SASH1: variants seen among roughly 807,000 people sequenced by gnomAD.
The protein encoded by SASH1 is SAM and SH3 domain-containing protein 1.
In SASH1, 44 loss-of-function variants were observed where a neutral mutation model predicts 125.2. That is an observed-to-expected ratio of 0.35 (90% CI 0.28 to 0.45). The LOEUF (loss-of-function observed/expected upper bound fraction) is 0.45. Ranked by LOEUF, SASH1 falls within the 20% of genes least tolerant of loss-of-function variation. SASH1 has a pLI of 1.00. For missense variants in SASH1, 1,426 were observed against 1,614.5 expected, an observed-to-expected ratio of 0.88 and a Z score of 2.00; for synonymous variants, 639 against 649.1, an observed-to-expected ratio of 0.98 and a Z score of 0.24.
At chr6:148,471,530 A>G (rs1321668419) in intron 6 of SASH1, 27 bp downstream of exon 6, 1 of 1,346,938 alleles carries the variant, frequency 7.4e-7, no homozygotes, top group South Asian at 1.2e-5. Context: ...GGCGGACAGT[A>G]GGTCCTTTTA....
chr6:148,446,813 A>G (rs1776817096), intron 4 of SASH1, among the ~76,000 whole-genome samples: 1 of 152,226 alleles, frequency 6.6e-6, no homozygotes, highest in Non-Finnish European at 1.5e-5. Flanking sequence ...ACAAATGCAA[A>G]ACTAAAGGAC....
chr6:148,492,869 TAAA>T (rs1779166773), intron 8 of SASH1, among the ~76,000 whole-genome samples: 1 of 137,962 alleles, frequency 7.2e-6, no homozygotes, highest in African/African-American at 2.7e-5. Flanking sequence ...AATAAATAAA[TAAA>T]TAAAATCACA....
intron 1 of SASH1, among the ~76,000 whole-genome samples, chr6:148,315,600 C>T (rs1357443834): frequency 6.6e-6 from 1 of 152,134 alleles, no homozygotes; most frequent in East Asian, 1.9e-4. Flanking sequence ...AGCTTTCTTA[C>T]CCTGTCAAAA....
the SASH1 span, among the ~76,000 whole-genome samples, chr6:148,236,507 C>T: frequency 5.9e-5 from 9 of 152,278 alleles, no homozygotes; most frequent in African/African-American, 9.6e-5. Context: ...CCACCACACC[C>T]GGCCTCACAC....
chr6:148,523,338 C>G (rs190698712), intron 10 of SASH1, among the ~76,000 whole-genome samples: 31 of 152,236 alleles, frequency 2.0e-4, no homozygotes, highest in Admixed American at 1.8e-3. Flanking sequence ...GCATTATAAG[C>G]TGGAAAGAGA....
chr6:148,308,604 G>C (rs13204709), intron 1 of SASH1, among the ~76,000 whole-genome samples: 38,703 of 149,832 alleles, frequency 0.26, 5,184 homozygotes, highest in South Asian at 0.34. Context: ...CCACGTTGGT[G>C]AGGCTGGTCT....
At chr6:148,401,157 G>C (rs2114868593) in intron 2 of SASH1, among the ~76,000 whole-genome samples, 1 of 152,072 alleles carries the variant, frequency 6.6e-6, no homozygotes, top group Non-Finnish European at 1.5e-5. Flanking sequence ...CGGAGGTTAA[G>C]GTGGGAGGAT....
chr6:148,533,959 C>A lies in SASH1; in HGVS notation c.1923C>A (p.Leu641=). 1 of 1,613,966 alleles carries A rather than the reference C, an allele frequency of 6.2e-7. No individual in the cohort carries two copies. Among genetic ancestry groups the A allele is most frequent in the Non-Finnish European group, 8.5e-7 (1 of 1,179,874 alleles). Residue 641 remains leucine, a synonymous_variant, in exon 15 of 20, where the codon CTC becomes CTA. Coordinates refer to ENST00000367467, the MANE Select transcript of SASH1 (RefSeq NM_015278.5). This position sits in a 1 kb window ranked among gnomAD's most constrained non-coding sequence, Gnocchi z 6.2. ...CCCAGCCCAAGTCTGTGGAGGATCT[C>A]CTGGATCGGATTAACCTAAAAGTCA... ...RPPQPKSVED[L]LDRINLKEHM... is the part of the protein sequence containing the mutation.
chr6:148,496,961 A>C (rs13437426), intron 8 of SASH1, among the ~76,000 whole-genome samples: 3,069 of 152,232 alleles, frequency 0.02, 106 homozygotes, highest in African/African-American at 0.07. Flanking sequence ...AGACCTTCAT[A>C]TGATTATTCT....
intron 8 of SASH1, 55 bp from the exon 9 acceptor site, chr6:148,514,269 C>T (rs1238099941): frequency 1.8e-5 from 28 of 1,568,166 alleles, no homozygotes; most frequent in Middle Eastern, 1.7e-4. Flanking sequence ...TCCAGCCACA[C>T]GGGCAAAGCT....
intron 8 of SASH1, among the ~76,000 whole-genome samples, chr6:148,496,382 T>G (rs1283728319): frequency 6.6e-6 from 1 of 152,224 alleles, no homozygotes; most frequent in Non-Finnish European, 1.5e-5. Flanking sequence ...GCTCATGTTC[T>G]TCAGTTCTTT....
At position 148,406,921 on chromosome 6, in the gene SASH1, C is replaced by G. The variant is rs536593164; in HGVS notation, c.285+16659C>G. On this transcript the variant is annotated intron_variant, in intron 2 of 19. Coordinates refer to ENST00000367467, the MANE Select transcript of SASH1 (RefSeq NM_015278.5). ...CCAAGGGAGGAGCAGAGAGAATCAG[C>G]CTCTCCAAGGGAGGAGCAGAGAGAA... 2.4e-3 allele frequency among the ~76,000 whole-genome samples: 317 copies of G among 134,560 alleles called. 3 individuals are homozygous for G. Among genetic ancestry groups the G allele is most frequent in the African/African-American group, 7.8e-3 (280 of 35,682 alleles). 88.3% of individuals were successfully genotyped at this position (134,560 alleles called of 152,430 possible). A position where few individuals can be genotyped will look rare whatever the true frequency, so the allele number is the denominator to read the frequency against.
chr6:148,448,115 A>AGAGTGTGTGTGTGTGTGTGTGTGT (rs374141600), intron 4 of SASH1, among the ~76,000 whole-genome samples: 9 of 146,922 alleles, frequency 6.1e-5, no homozygotes, highest in South Asian at 2.2e-4. Context: ...CAGTGGAGAG[A>AGAGTGTGTGTGTGTGTGTGTGTGT]GTGTGTGTGT....
At chr6:148,464,572 A>G (rs962194019) in intron 4 of SASH1, among the ~76,000 whole-genome samples, 14 of 152,210 alleles carry the variant, frequency 9.2e-5, no homozygotes, top group African/African-American at 2.2e-4. Context: ...CCACCAGGAG[A>G]TTAGTAAATG....
chr6:148,235,674 G>A, the SASH1 span, among the ~76,000 whole-genome samples: 1 of 151,978 alleles, frequency 6.6e-6, no homozygotes, highest in African/African-American at 2.4e-5. Context: ...TTACTCACAG[G>A]GACCAGTACA....
chr6:148,508,869 C>T (rs750359613), intron 8 of SASH1: 1 of 1,285,990 alleles, frequency 7.8e-7, no homozygotes, highest in South Asian at 1.2e-5. Flanking sequence ...TTGCTAAATG[C>T]CGAAGCCGGT....
intron 8 of SASH1, among the ~76,000 whole-genome samples, chr6:148,505,381 T>G (rs1250074778): frequency 6.6e-6 from 1 of 152,254 alleles, no homozygotes; most frequent in Non-Finnish European, 1.5e-5. Flanking sequence ...TGGCACGATT[T>G]CGGCTCAGTG....
chr6:148,201,543 G>A, the SASH1 span, among the ~76,000 whole-genome samples: 4 of 152,096 alleles, frequency 2.6e-5, no homozygotes. Flanking sequence ...TAAGTTGCCA[G>A]GCAATGCCGA....
chr6:148,307,385 G>C (rs1432695533), intron 1 of SASH1, among the ~76,000 whole-genome samples: 1 of 151,954 alleles, frequency 6.6e-6, no homozygotes, highest in Non-Finnish European at 1.5e-5. Flanking sequence ...CAAAGTGCTG[G>C]AATTACAGAC....
Sources: allele counts gnomAD v4.1 joint callset (sites outside exome capture counted in the v4.1 genomes callset), GRCh38; gene constraint gnomAD v4.1.1; non-coding constraint Gnocchi (gnomAD v3.1); transcripts MANE v1.5; gene names NCBI Gene and HGNC (gene_info 2026-07-23, HGNC 2026-07-21).